AUH: variants seen among roughly 807,000 people sequenced by gnomAD.
The protein encoded by AUH is methylglutaconyl-CoA hydratase, mitochondrial.
A neutral mutation model predicts 42.3 loss-of-function variants in AUH; 29 were observed. The ratio of observed to expected loss-of-function variants is 0.69; its 90% CI spans 0.51 to 0.93. The LOEUF (loss-of-function observed/expected upper bound fraction) is 0.93. Among genes scored for constraint, AUH ranks in the 40% least tolerant of loss-of-function variants. The pLI, the probability that AUH is intolerant of heterozygous loss-of-function variation, is 0.00. For missense variants in AUH, 452 were observed against 438.1 expected (o/e 1.03, Z -0.28); for synonymous variants, 174 against 166.4 (o/e 1.05, Z -0.35).
At chr9:91,271,710 C>T (rs1226960060) in intron 6 of AUH, among the ~76,000 whole-genome samples, 2 of 152,102 alleles carry the variant, frequency 1.3e-5, no homozygotes, top group East Asian at 1.9e-4. Flanking sequence ...TGAGAAGTTT[C>T]GCTTTTGTTG....
chr9:91,332,272 C>T (rs548467095), intron 3 of AUH, among the ~76,000 whole-genome samples: 2 of 152,198 alleles, frequency 1.3e-5, no homozygotes, highest in South Asian at 4.1e-4. Context: ...GAGGCTGAGG[C>T]AGGCAGATCA....
intron 7 of AUH, chr9:91,219,081 G>C: frequency 1.0e-6 from 1 of 962,608 alleles, no homozygotes; most frequent in Non-Finnish European, 1.2e-6. Context: ...GATGCGGCTC[G>C]ACACACTGGC....
chr9:91,344,823 A>C (rs2132002657), intron 3 of AUH, among the ~76,000 whole-genome samples: 1 of 152,320 alleles, frequency 6.6e-6, no homozygotes, highest in African/African-American at 2.4e-5. Flanking sequence ...AATCCTAAAA[A>C]ACTTAAGCAA....
intron 3 of AUH, among the ~76,000 whole-genome samples, chr9:91,326,384 T>C: frequency 6.6e-6 from 1 of 151,870 alleles, no homozygotes; most frequent in South Asian, 2.1e-4. Context: ...CAAGAAAATA[T>C]GTACAATAAA....
At chr9:91,234,749 A>G (rs1482731710) in intron 6 of AUH, among the ~76,000 whole-genome samples, 2 of 150,774 alleles carry the variant, frequency 1.3e-5, no homozygotes, top group African/African-American at 4.9e-5. Flanking sequence ...GCAGAAGGAG[A>G]GCAAAGACAA....
intron 6 of AUH, among the ~76,000 whole-genome samples, chr9:91,249,309 A>AAG (rs1828987966): frequency 3.3e-5 from 5 of 150,424 alleles, no homozygotes; most frequent in Non-Finnish European, 7.4e-5. Context: ...AAAAAAAAAA[A>AAG]AAAAAAAAAA....
intron 6 of AUH, among the ~76,000 whole-genome samples, chr9:91,277,797 T>A (rs960781205): frequency 6.6e-5 from 10 of 152,222 alleles, no homozygotes; most frequent in African/African-American, 2.2e-4. Flanking sequence ...CAACTATGAT[T>A]CTGATTTCCT....
In AUH at chr9:91,335,174, G is replaced by A. The variant is rs559292353; in HGVS notation, c.419-9770C>T. On this transcript the variant is annotated intron_variant, in intron 3 of 9. Coordinates refer to ENST00000375731, the MANE Select transcript of AUH (RefSeq NM_001698.3). ...GCTCCATGAATGCTTAGGTGTAAATGTAACATTCTTCTGAAGTCATTGTGG... is the reference window on the plus strand; with the variant it reads ...GCTCCATGAATGCTTAGGTGTAAATATAACATTCTTCTGAAGTCATTGTGG... Among the ~76,000 whole-genome samples, 3 of 152,334 alleles carry A rather than the reference G, an allele frequency of 2.0e-5. No homozygotes were observed. In the East Asian group the frequency reaches 5.8e-4, roughly 29 times the overall value.
intron 4 of AUH, among the ~76,000 whole-genome samples, chr9:91,321,186 T>C (rs1296013985): frequency 6.6e-6 from 1 of 152,212 alleles, no homozygotes; most frequent in African/African-American, 2.4e-5. Flanking sequence ...GATGTGGCTA[T>C]TTTTAACAAT....
chr9:91,306,079 G>T (rs1048678113), intron 4 of AUH, among the ~76,000 whole-genome samples: 1 of 152,206 alleles, frequency 6.6e-6, no homozygotes, highest in African/African-American at 2.4e-5. Context: ...TGGATGCAAA[G>T]CACCAGTCAG....
chr9:91,217,368 A>G (rs1564003471), intron 7 of AUH, 41 bp from the exon 8 acceptor site: 1 of 1,577,540 alleles, frequency 6.3e-7, no homozygotes, highest in South Asian at 1.1e-5. Context: ...ATTATTTTTT[A>G]TGCAAATTAT....
chr9:91,321,011 G>A (rs765812280), intron 4 of AUH, among the ~76,000 whole-genome samples: 1 of 152,148 alleles, frequency 6.6e-6, no homozygotes, highest in African/African-American at 2.4e-5. Flanking sequence ...GTTTTTAAGT[G>A]CATACAAGTT....
At chr9:91,347,598 C>G (rs1831622936) in intron 3 of AUH, among the ~76,000 whole-genome samples, 1 of 152,174 alleles carries the variant, frequency 6.6e-6, no homozygotes, top group African/African-American at 2.4e-5. Flanking sequence ...TTGGACCATT[C>G]AGGAAACTCC....
intron 6 of AUH, among the ~76,000 whole-genome samples, chr9:91,241,389 T>C (rs1259013864): frequency 1.3e-5 from 2 of 152,114 alleles, no homozygotes; most frequent in Admixed American, 6.6e-5. Context: ...ATATAGACAA[T>C]ATGTTATATA....
chr9:91,278,561 A>G lies in AUH; in HGVS notation c.655+17460T>C, dbSNP rs12686804. 5.5e-3 allele frequency among the ~76,000 whole-genome samples: 841 copies of G among 152,362 alleles called. 10 individuals carry two copies. The highest frequency in any genetic ancestry group is 0.042 in the East Asian group (218 of 5,186). On this transcript the variant is annotated intron_variant, in intron 6 of 9. Transcript: ENST00000375731. ...TTTGTGGGTAACAAATCTTGGAAGT[A>G]GTTTGGCGCGATTTCAACGAATGGA...
intron 7 of AUH, chr9:91,218,561 G>A (rs773513): frequency 0.61 from 578,182 of 949,026 alleles, 181,385 homozygotes; most frequent in Admixed American, 0.64. Context: ...GCTGCCAGGA[G>A]ATGCCCAGGC....
chr9:91,315,335 G>GA (rs1829074055), intron 4 of AUH, among the ~76,000 whole-genome samples: 2 of 152,222 alleles, frequency 1.3e-5, no homozygotes, highest in Non-Finnish European at 2.9e-5. Context: ...GGAAAGGCCT[G>GA]AAGCTCAAAT....
At chr9:91,288,908 CA>C (rs1382895768) in intron 6 of AUH, among the ~76,000 whole-genome samples, 1 of 152,130 alleles carries the variant, frequency 6.6e-6, no homozygotes, top group Non-Finnish European at 1.5e-5. Context: ...TTTATAATAG[CA>C]TTTTTTTAAT....
chr9:91,221,807 C>T (rs564361976), intron 6 of AUH, among the ~76,000 whole-genome samples: 2 of 152,280 alleles, frequency 1.3e-5, no homozygotes, highest in South Asian at 4.2e-4. Context: ...TTGAAGATAG[C>T]CTAACTCACT....
Sources: gnomAD v4.1 joint callset for allele counts (sites outside exome capture counted in the v4.1 genomes callset) on GRCh38, gnomAD v4.1.1 for gene constraint, MANE v1.5 for transcripts, NCBI Gene and HGNC (gene_info 2026-07-23, HGNC 2026-07-21) for gene names.